The following ZNF789 variants were observed in gnomAD, a reference collection of about 807,000 sequenced individuals.
ZNF789 encodes zinc finger protein 789.
ZNF789 carries 11 observed loss-of-function variants against 15.6 expected under a neutral mutation model. The observed-to-expected ratio is 0.70, with a 90% CI of 0.44 to 1.16. ZNF789 has a LOEUF of 1.16. Among genes scored for constraint, ZNF789 ranks in the 50% most tolerant of loss-of-function variants. The probability of loss-of-function intolerance (pLI) is 0.00; values close to 1 mark genes in which losing one functional copy is unlikely to be tolerated. For synonymous variants in ZNF789, 159 were observed against 176.0 expected, an observed-to-expected ratio of 0.90 and a Z score of 0.76; for missense variants, 461 against 512.6, an observed-to-expected ratio of 0.90 and a Z score of 0.97.
At chr7:99,473,511 G>C (rs183063478) in intron 1 of ZNF789, among the ~76,000 whole-genome samples, 7 of 152,346 alleles carry the variant, frequency 4.6e-5, no homozygotes, top group Admixed American at 4.6e-4. Flanking sequence ...TCTAGGGTAA[G>C]TCGAGCTGGA....
rs1215842300 is a variant in ZNF789 at position 99,485,295 on chromosome 7, A to G, written c.265+1152A>G. ...GAATTCTTTGGGGACAGGATGGGGC[A>G]TGTCCTGTGCATTTTAGGATGTTGA... is the stretch of plus-strand genomic sequence containing the variant. On this transcript the variant is annotated intron_variant, in intron 4 of 4. Coordinates refer to ENST00000331410, the MANE Select transcript of ZNF789 (RefSeq NM_213603.3). 2.3e-6 allele frequency: 3 copies of G among 1,300,780 alleles called. No individual in the cohort carries two copies. In the Admixed American group the frequency reaches 5.9e-5, roughly 26 times the overall value. 80.6% of individuals were successfully genotyped at this position (1,300,780 alleles called of 1,614,324 possible). A position where few individuals can be genotyped will look rare whatever the true frequency, so the allele number is the denominator to read the frequency against.
chr7:99,473,843 A>G (rs1584545854), intron 1 of ZNF789, among the ~76,000 whole-genome samples: 1 of 150,760 alleles, frequency 6.6e-6, no homozygotes, highest in Middle Eastern at 3.2e-3. Context: ...CTGGTCTTGA[A>G]CTCCTGACCT....
chr7:99,480,223 G>C (rs1799548018), intron 3 of ZNF789: 1 of 166,416 alleles, frequency 6.0e-6, no homozygotes, highest in African/African-American at 2.4e-5. Context: ...TACTTGGGAG[G>C]CTGAGGCAGG....
Position 99,487,085 on chromosome 7 carries a change from A to G in ZNF789, c.875A>G (p.Lys292Arg). ...EKPYKCSKCE[K>R]TFSQNSTLIR... ...CCTTATAAATGTAGCAAATGTGAAA[A>G]AACGTTTAGTCAGAATTCAACCCTT... The change falls in exon 5 of 5, where the codon AAA becomes AGA. Residue 292 changes from lysine to arginine, a missense_variant. Transcript: ENST00000331410. The G allele has an allele frequency of 1.9e-6, 3 of 1,614,144 alleles. No individual in the cohort carries two copies. In the East Asian group the frequency reaches 6.7e-5, roughly 36 times the overall value.
chr7:99,483,047 T>G (rs551358633), intron 3 of ZNF789, among the ~76,000 whole-genome samples: 5 of 149,826 alleles, frequency 3.3e-5, no homozygotes, highest in Non-Finnish European at 7.4e-5. Context: ...TTGGCCAACA[T>G]GGTGAAACCT....
intron 4 of ZNF789, among the ~76,000 whole-genome samples, chr7:99,484,975 A>C (rs990531515): frequency 6.6e-6 from 1 of 152,136 alleles, no homozygotes; most frequent in African/African-American, 2.4e-5. Flanking sequence ...TTTGACTTCA[A>C]GTCTAGAATG....
At chr7:99,476,187 G>A (rs961235201) in intron 1 of ZNF789, 1 of 472,270 alleles carries the variant, frequency 2.1e-6, no homozygotes, top group African/African-American at 2.0e-5. Context: ...AGAAGGGGAG[G>A]GCAGGGCTGC....
Position 99,486,519 on chromosome 7 carries a change from G to T in ZNF789, c.309G>T (p.Gln103His), listed in dbSNP as rs778113835. The T allele has an allele frequency of 3.7e-6, 6 of 1,613,130 alleles. No individual in the cohort carries two copies. The South Asian group carries it at 5.5e-5, about 15-fold the overall frequency. Residue 103 changes from glutamine to histidine, a missense_variant, in exon 5 of 5, where the codon CAG (glutamine) becomes CAT (histidine). Physicochemically the swap from Gln to His is conservative, Grantham distance 24. Coordinates refer to ENST00000331410, the MANE Select transcript of ZNF789 (RefSeq NM_213603.3). ...AGATGAAAAAGCTAACTCCAAAACA[G>T]AAATTTTCTGAAGATTTAGAGTCAT... Reference protein sequence around the residue: ...RHKMKKLTPKQKFSEDLESYK... With the variant: ...RHKMKKLTPKHKFSEDLESYK...
At chr7:99,475,218 C>G (rs906975343) in intron 1 of ZNF789, among the ~76,000 whole-genome samples, 1 of 151,962 alleles carries the variant, frequency 6.6e-6, no homozygotes, top group Non-Finnish European at 1.5e-5. Flanking sequence ...CATGGTGAAA[C>G]CCCATCTCAA....
chr7:99,477,256 T>C (rs1799385801), intron 2 of ZNF789, among the ~76,000 whole-genome samples: 1 of 152,040 alleles, frequency 6.6e-6, no homozygotes, highest in Admixed American at 6.5e-5. Flanking sequence ...TTGGCCAGAA[T>C]GGTCTCCATC....
Position 99,482,412 on chromosome 7 carries a change from G to A in ZNF789, c.152-1618G>A, listed in dbSNP as rs1385291970. 6.6e-6 allele frequency: 4 copies of A among 605,130 alleles called. No individual in the cohort carries two copies. The African/African-American group carries it at 7.4e-5, about 11-fold the overall frequency. 37.5% of individuals were successfully genotyped at this position (605,130 alleles called of 1,614,324 possible). On this transcript the variant is annotated intron_variant, in intron 3 of 4. Transcript: ENST00000331410. The stretch of plus-strand genomic sequence containing the variant: ...GCGTTTTGACTGCCACTGGTCACGT[G>A]AGGTCAGGTGTGGAACTCTCCACTT...
intron 1 of ZNF789, among the ~76,000 whole-genome samples, chr7:99,475,054 A>G (rs1445329530): frequency 3.3e-5 from 5 of 152,182 alleles, no homozygotes; most frequent in Admixed American, 2.6e-4. Context: ...AGGGGCATCC[A>G]TTAAAATGAA....
At chr7:99,482,599 C>T (rs1174964037) in intron 3 of ZNF789, among the ~76,000 whole-genome samples, 3 of 152,112 alleles carry the variant, frequency 2.0e-5, no homozygotes, top group Non-Finnish European at 4.4e-5. Flanking sequence ...GCCTGTAATC[C>T]CAGCACTTTG....
intron 4 of ZNF789, among the ~76,000 whole-genome samples, chr7:99,484,680 G>C (rs990477411): frequency 4.0e-5 from 6 of 151,810 alleles, no homozygotes; most frequent in African/African-American, 1.5e-4. Flanking sequence ...GGTAATCCCA[G>C]CACTTTGGGA....
intron 3 of ZNF789, among the ~76,000 whole-genome samples, chr7:99,483,427 C>T (rs1296132039): frequency 2.0e-5 from 3 of 151,876 alleles, no homozygotes; most frequent in African/African-American, 4.8e-5. Context: ...GTCAGGAGTT[C>T]GAGACCAGCC....
At chr7:99,481,973 T>C (rs1799655933) in intron 3 of ZNF789, 1 of 595,322 alleles carries the variant, frequency 1.7e-6, no homozygotes, top group Admixed American at 2.9e-5. Context: ...AAGAATCCCT[T>C]ATCCAAAATG....
At chr7:99,483,143 A>G (rs1199901647) in intron 3 of ZNF789, among the ~76,000 whole-genome samples, 1 of 151,378 alleles carries the variant, frequency 6.6e-6, no homozygotes, top group Non-Finnish European at 1.5e-5. Context: ...AGGCAAGAGA[A>G]TCACTTGAAC....
rs757048675 is a variant in ZNF789 at position 99,487,439 on chromosome 7, C to T, written c.1229C>T (p.Thr410Ile). The T allele has an allele frequency of 6.2e-7, 1 of 1,614,212 alleles. No individual in the cohort carries two copies. Among genetic ancestry groups the T allele is most frequent in the Non-Finnish European group, 8.5e-7 (1 of 1,180,026 alleles). The change falls in exon 5 of 5, where the codon ACA becomes ATA. Residue 410 changes from threonine to isoleucine, a missense_variant. Physicochemically the swap from Thr to Ile is moderately conservative, Grantham distance 89. Coordinates refer to ENST00000331410, the MANE Select transcript of ZNF789 (RefSeq NM_213603.3). Reference sequence around the variant, plus strand: ...TGTGGAAAATCTTTCAAGTGGCACACAAGCTTTATTAAGCACCAGGGCACT... The same window carrying T: ...TGTGGAAAATCTTTCAAGTGGCACATAAGCTTTATTAAGCACCAGGGCACT... Reference protein sequence around the residue: ...VICGKSFKWHTSFIKHQGTHK... With the variant: ...VICGKSFKWHISFIKHQGTHK...
intron 2 of ZNF789, chr7:99,478,347 C>T (rs758507178): frequency 1.6e-6 from 2 of 1,289,638 alleles, no homozygotes; most frequent in East Asian, 5.5e-5. Context: ...GAGTGACACT[C>T]TGGATAATGG....
Sources: gnomAD v4.1 joint callset for allele counts (sites outside exome capture counted in the v4.1 genomes callset) on GRCh38, gnomAD v4.1.1 for gene constraint, MANE v1.5 for transcripts, NCBI Gene and HGNC (gene_info 2026-07-23, HGNC 2026-07-21) for gene names.